Variants in CR1 observed in about 807,000 individuals in gnomAD.
CR1 encodes complement C3b/C4b receptor 1 (Knops blood group), also known as complement receptor type 1.
A neutral mutation model predicts 187.3 loss-of-function variants in CR1; 116 were observed. The observed-to-expected ratio is 0.62, with a 90% CI of 0.53 to 0.72. CR1 has a LOEUF of 0.72. Among genes scored for constraint, CR1 ranks in the 30% least tolerant of loss-of-function variants. The probability of loss-of-function intolerance (pLI) is 0.00; values close to 1 mark genes in which losing one functional copy is unlikely to be tolerated. For missense variants in CR1, 1,731 were observed against 2,110.7 expected (o/e 0.82, Z 3.52); for synonymous variants, 576 against 747.1 (o/e 0.77, Z 3.73).
chr1:207,585,257 G>T (rs779041004), intron 33 of CR1, among the ~76,000 whole-genome samples: 2 of 152,162 alleles, frequency 1.3e-5, no homozygotes, highest in Admixed American at 6.5e-5. Flanking sequence ...AGTTCATGAG[G>T]GGTACATGGG....
At chr1:207,500,006 T>A (rs919076766) in intron 1 of CR1, among the ~76,000 whole-genome samples, 1 of 152,156 alleles carries the variant, frequency 6.6e-6, no homozygotes, top group Non-Finnish European at 1.5e-5. Flanking sequence ...TGTATACACA[T>A]TTTTTGTCAG....
chr1:207,497,492 T>C (rs1395475757), intron 1 of CR1, among the ~76,000 whole-genome samples: 1 of 152,180 alleles, frequency 6.6e-6, no homozygotes, highest in Non-Finnish European at 1.5e-5. Context: ...TATTTGAGTG[T>C]TCCTTCTTCT....
chr1:207,525,272 G>A (rs1660134473), intron 5 of CR1, among the ~76,000 whole-genome samples: 1 of 151,456 alleles, frequency 6.6e-6, no homozygotes, highest in African/African-American at 2.4e-5. Flanking sequence ...TCATATCGCA[G>A]CTAATAGGTC....
intron 35 of CR1, among the ~76,000 whole-genome samples, chr1:207,595,868 C>T (rs574114141): frequency 6.6e-6 from 1 of 151,188 alleles, no homozygotes; most frequent in Non-Finnish European, 1.5e-5. Context: ...AAAGATAATT[C>T]ATGTAATATG....
At chr1:207,507,741 T>C (rs1451275232) in intron 3 of CR1, 1 of 152,178 alleles carries the variant, frequency 6.6e-6, no homozygotes, top group Non-Finnish European at 1.5e-5. Context: ...AAACATACTC[T>C]TACCATGTTA....
intron 1 of CR1, among the ~76,000 whole-genome samples, chr1:207,504,082 G>A (rs997701368): frequency 6.6e-6 from 1 of 152,184 alleles, no homozygotes; most frequent in African/African-American, 2.4e-5. Context: ...GCTAAGAGGG[G>A]AAAGGCATTA....
chr1:207,510,307 T>G (rs1314167142), intron 3 of CR1, among the ~76,000 whole-genome samples: 1 of 152,238 alleles, frequency 6.6e-6, no homozygotes, highest in Non-Finnish European at 1.5e-5. Flanking sequence ...TAATAGTGCA[T>G]CAAGTATCTT....
At chr1:207,632,168 C>T (rs1662664993) in intron 46 of CR1, among the ~76,000 whole-genome samples, 1 of 152,100 alleles carries the variant, frequency 6.6e-6, no homozygotes, top group African/African-American at 2.4e-5. Flanking sequence ...TTGCTTCTAG[C>T]TTATTTGTCA....
intron 39 of CR1, among the ~76,000 whole-genome samples, chr1:207,612,418 G>A (rs939353130): frequency 1.3e-5 from 2 of 152,210 alleles, no homozygotes; most frequent in Non-Finnish European, 2.9e-5. Flanking sequence ...GTAAGGTAGA[G>A]GTTGTCTTAA....
At chr1:207,526,026 G>C (rs1660157555) in intron 5 of CR1, among the ~76,000 whole-genome samples, 2 of 152,046 alleles carry the variant, frequency 1.3e-5, no homozygotes, top group Admixed American at 6.5e-5. Flanking sequence ...GATTTCCTGA[G>C]TTCCAATCAA....
rs41274766 is a variant in CR1, at chr1:207,575,747, A to G, written c.4537+67A>G. On this transcript the variant is annotated intron_variant, in intron 28 of 46. Coordinates refer to ENST00000367049, the MANE Select transcript of CR1 (RefSeq NM_000651.6). Reference sequence around the variant, plus strand: ...CCTAGAGTTGTCCTCCTAGAATTACAAAGAATGGATCTCATCCCTCTTGGA... The same window carrying G: ...CCTAGAGTTGTCCTCCTAGAATTACGAAGAATGGATCTCATCCCTCTTGGA... 2.9e-3 allele frequency: 4,610 copies of G among 1,606,190 alleles called. 11 individuals are homozygous for G. The highest frequency in any genetic ancestry group is 4.1e-3 in the Middle Eastern group (18 of 4,420).
rs537411180 is a variant in CR1, at chr1:207,632,892, G to A, written c.7457+2271G>A. On this transcript the variant is annotated intron_variant, in intron 46 of 46. Coordinates refer to ENST00000367049, the MANE Select transcript of CR1 (RefSeq NM_000651.6). Reference sequence around the variant, plus strand: ...TAGACTATGTCTCCAAAGTTCTTGCGTGAGGCATTCATTTTCCTTTACTAT... The same window carrying A: ...TAGACTATGTCTCCAAAGTTCTTGCATGAGGCATTCATTTTCCTTTACTAT... 1.8e-4 allele frequency among the ~76,000 whole-genome samples: 28 copies of A among 151,496 alleles called. No individual in the cohort carries two copies. In the South Asian group the frequency reaches 2.1e-3, roughly 11 times the overall value.
chr1:207,626,511 C>T (rs147231760), intron 45 of CR1, among the ~76,000 whole-genome samples: 17 of 152,254 alleles, frequency 1.1e-4, no homozygotes, highest in African/African-American at 2.9e-4. Context: ...AAGAAGGAAG[C>T]CATGTGGGAA....
chr1:207,615,715 G>A (rs780753776), intron 40 of CR1, among the ~76,000 whole-genome samples: 1 of 152,078 alleles, frequency 6.6e-6, no homozygotes, highest in Non-Finnish European at 1.5e-5. Context: ...GAGTATTATG[G>A]TGAAGAACAT....
chr1:207,623,005 G>A lies in CR1; in HGVS notation c.7289G>A (p.Gly2430Asp). 1 of 1,574,206 alleles carries A rather than the reference G, an allele frequency of 6.4e-7. No individual in the cohort carries two copies. ...HDALIVGTLS[G>D]TIFFILLIIF... ...TTTTACTGCCTAGGCACTTTATCTG[G>A]TACGATCTTCTTTATTTTACTCATC... Residue 2430 changes from glycine (G) to aspartate (D), a missense_variant, in exon 45 of 47, where the codon GGT (glycine) becomes GAT (aspartate). By Grantham distance (94) the Gly-to-Asp change is moderately conservative. Coordinates refer to ENST00000367049, the MANE Select transcript of CR1 (RefSeq NM_000651.6).
intron 1 of CR1, among the ~76,000 whole-genome samples, chr1:207,498,277 C>T (rs1036329404): frequency 3.9e-5 from 6 of 152,106 alleles, no homozygotes; most frequent in Non-Finnish European, 5.9e-5. Context: ...CACCGAAAAG[C>T]GAGAAATCTC....
rs776915205 is a variant in CR1, at chr1:207,526,811, C to A, written c.945C>A (p.Asn315Lys). 5 of 1,494,548 alleles carry A rather than the reference C, an allele frequency of 3.3e-6. No homozygotes were observed. The East Asian group carries it at 9.6e-5, about 29-fold the overall frequency. 92.6% of individuals were successfully genotyped at this position (1,494,548 alleles called of 1,614,324 possible). Residue 315 changes from asparagine to lysine, a missense_variant, in exon 6 of 47, where the codon AAC becomes AAA. Physicochemically the swap from Asn to Lys is moderately conservative, Grantham distance 94 (BLOSUM62 0). Coordinates refer to ENST00000367049, the MANE Select transcript of CR1 (RefSeq NM_000651.6). The stretch of plus-strand genomic sequence containing the variant: ...AGCGTACCCAAAGGGACAAGGACAA[C>A]TTTTCACCTGGGCAGGAAGTGTTCT... ...HAERTQRDKD[N>K]FSPGQEVFYS...
chr1:207,523,763 T>C lies in CR1; in HGVS notation c.640T>C (p.Tyr214His), dbSNP rs759020028. Residue 214 changes from tyrosine (Y) to histidine (H), a missense_variant, in exon 5 of 47, where the codon TAC becomes CAC. This residue lies in a region of CR1 where 131 missense variants were observed against 196.8 expected (regional missense o/e 0.67). Transcript: ENST00000367049. ...VFELVGEPSI[Y>H]CTSNDDQVGI... ...TGAGCTTGTGGGTGAGCCCTCCATA[T>C]ACTGCACCAGCAATGACGATCAAGT... 3.7e-5 allele frequency: 59 copies of C among 1,612,044 alleles called. 1 individual carries two copies. The South Asian group carries it at 6.3e-4, about 17-fold the overall frequency.
chr1:207,621,444 C>T (rs566456444), intron 43 of CR1, among the ~76,000 whole-genome samples: 1 of 152,130 alleles, frequency 6.6e-6, no homozygotes, highest in East Asian at 1.9e-4. Context: ...TACAACTATT[C>T]CTGCCAGTTA....
Sources: allele counts gnomAD v4.1 joint callset (sites outside exome capture counted in the v4.1 genomes callset), GRCh38; gene constraint gnomAD v4.1.1; regional missense constraint gnomAD v4.1.1; transcripts MANE v1.5; gene names NCBI Gene and HGNC (gene_info 2026-07-23, HGNC 2026-07-21).